Variants in SULF1 observed in about 807,000 individuals in gnomAD.
SULF1 encodes the protein sulfatase 1.
Under a neutral mutation model 110.5 loss-of-function variants are expected in SULF1, and 46 were observed. The observed-to-expected ratio is 0.42, with a 90% CI of 0.33 to 0.53. The LOEUF is 0.53. SULF1 is among the 20% of genes least tolerant of loss of function. The pLI is 0.12. For synonymous variants in SULF1, 371 were observed against 387.1 expected, an observed-to-expected ratio of 0.96 and a Z score of 0.49; for missense variants, 941 against 1,094.2, an observed-to-expected ratio of 0.86 and a Z score of 1.98.
intron 19 of SULF1, chr8:69,637,840 A>C (rs941217224): frequency 6.6e-6 from 1 of 152,458 alleles, no homozygotes; most frequent in African/African-American, 2.4e-5. Context: ...AATTTGGAAC[A>C]TGTGCCCTTT....
In SULF1 at chr8:69,626,824, G is replaced by C. The variant is rs185429277; in HGVS notation, c.1851-386G>C. Among the ~76,000 whole-genome samples the C allele has an allele frequency of 2.4e-3, 372 of 152,358 alleles. 1 individual carries two copies. The highest frequency in any genetic ancestry group is 8.7e-3 in the East Asian group (45 of 5,182). Reference sequence around the variant, plus strand: ...CTCCAGCTGGCCCGCAAGCACCGCAGGCAGCCCCGGTTCCCATTCGCGCCT... The same window carrying C: ...CTCCAGCTGGCCCGCAAGCACCGCACGCAGCCCCGGTTCCCATTCGCGCCT... On this transcript the variant is annotated intron_variant, in intron 15 of 22. Transcript: ENST00000402687.
At position 69,624,093 on chromosome 8, in the gene SULF1, G is replaced by A; in HGVS notation, c.1746G>A (p.Lys582=). The A allele has an allele frequency of 6.2e-7, 1 of 1,614,130 alleles. No individual in the cohort carries two copies. The highest frequency in any genetic ancestry group is 1.1e-5 in the South Asian group (1 of 91,064). The change falls in exon 15 of 23, where the codon AAG becomes AAA. Residue 582 remains lysine, a synonymous_variant. Transcript: ENST00000402687. ...NIAKRHDEGH[K]GPRDLQASSG... ...CTAAGCGTCATGATGAAGGCCACAA[G>A]GGGCCAAGAGATCTCCAGGCTTCCA...
intron 3 of SULF1, among the ~76,000 whole-genome samples, chr8:69,512,787 C>G (rs1406999111): frequency 6.6e-6 from 1 of 152,136 alleles, no homozygotes; most frequent in Non-Finnish European, 1.5e-5. Context: ...ACACAACACC[C>G]CAGACTGCTC....
chr8:69,658,839 T>A lies in SULF1; in HGVS notation c.*304T>A. 1 of 570,608 alleles carries A rather than the reference T, an allele frequency of 1.8e-6. No homozygotes were observed. The highest frequency in any genetic ancestry group is 3.3e-6 in the Non-Finnish European group (1 of 300,856). The allele number at this position is 570,608 out of a possible 1,614,324, so 35.3% of individuals were successfully genotyped here. On this transcript the variant is annotated 3_prime_UTR_variant, in exon 23 of 23. Transcript: ENST00000402687. The stretch of plus-strand genomic sequence containing the variant: ...CAAGGCATAAGGTTGGGAAAACACC[T>A]CATTTGACCTTGCCAGCTGACCTTC...
chr8:69,545,821 G>A (rs770450339), intron 3 of SULF1, among the ~76,000 whole-genome samples: 5 of 151,988 alleles, frequency 3.3e-5, no homozygotes, highest in East Asian at 1.9e-4. Context: ...CGCAGTCCAC[G>A]CCCAGCTGAT....
intron 21 of SULF1, 62 bp from the exon 22 acceptor site, chr8:69,640,746 T>C (rs1448101116): frequency 2.1e-6 from 3 of 1,422,700 alleles, no homozygotes; most frequent in East Asian, 2.3e-5. Flanking sequence ...AAAAACTATA[T>C]AGTGAATGGT....
chr8:69,635,559 A>G (rs1810925569), intron 19 of SULF1, among the ~76,000 whole-genome samples: 1 of 152,268 alleles, frequency 6.6e-6, no homozygotes, highest in Non-Finnish European at 1.5e-5. Context: ...TACATAGGAT[A>G]GCAGAGTCTA....
chr8:69,625,533 G>C (rs1809935951), intron 15 of SULF1, among the ~76,000 whole-genome samples: 1 of 152,314 alleles, frequency 6.6e-6, no homozygotes, highest in African/African-American at 2.4e-5. Context: ...TCTTCCTTCT[G>C]GTGGGTTCGT....
intron 7 of SULF1, 94 bp from the exon 8 acceptor site, chr8:69,588,878 C>G: frequency 7.9e-7 from 1 of 1,269,848 alleles, no homozygotes; most frequent in Non-Finnish European, 1.1e-6. Flanking sequence ...CCACTTCGTG[C>G]AGTGAATTGC....
At chr8:69,490,631 T>C (rs1260321061), upstream of SULF1, among the ~76,000 whole-genome samples, 1 of 152,174 alleles carries the variant, frequency 6.6e-6, no homozygotes, top group African/African-American at 2.4e-5. Context: ...CTAAAGCTTG[T>C]TGGAACCCAG....
intron 13 of SULF1, among the ~76,000 whole-genome samples, chr8:69,613,187 G>T (rs901244456): frequency 7.9e-5 from 12 of 151,766 alleles, no homozygotes; most frequent in African/African-American, 2.9e-4. Flanking sequence ...TTATTTCTGG[G>T]TTCTCTATTC....
intron 1 of SULF1, among the ~76,000 whole-genome samples, chr8:69,487,342 G>A (rs1809752387): frequency 6.6e-6 from 1 of 152,138 alleles, no homozygotes; most frequent in African/African-American, 2.4e-5. Flanking sequence ...TAGCAATCTT[G>A]CTGTGTCAGC....
intron 13 of SULF1, among the ~76,000 whole-genome samples, chr8:69,620,256 T>A (rs1809498896): frequency 6.6e-6 from 1 of 152,266 alleles, no homozygotes; most frequent in African/African-American, 2.4e-5. Context: ...TCTCCTCATC[T>A]CCTTGTCTGC....
At chr8:69,499,808 G>A (rs1421880085) in intron 2 of SULF1, among the ~76,000 whole-genome samples, 1 of 152,060 alleles carries the variant, frequency 6.6e-6, no homozygotes, top group African/African-American at 2.4e-5. Context: ...GGAGAGCAGT[G>A]GTGTGATCAT....
intron 2 of SULF1, among the ~76,000 whole-genome samples, chr8:69,500,800 C>A (rs186977533): frequency 1.3e-5 from 2 of 152,016 alleles, no homozygotes; most frequent in East Asian, 3.9e-4. Flanking sequence ...AAACTAGCGG[C>A]GGCGGAGTTT....
intron 3 of SULF1, among the ~76,000 whole-genome samples, chr8:69,557,194 G>A (rs769331555): frequency 2.6e-5 from 4 of 152,078 alleles, no homozygotes; most frequent in Admixed American, 6.5e-5. Flanking sequence ...TTGTCTCTTC[G>A]TTCTCATTCT....
At chr8:69,545,085 C>CT (rs56914726) in intron 3 of SULF1, among the ~76,000 whole-genome samples, 9,831 of 134,822 alleles carry the variant, frequency 0.073, 621 homozygotes, top group African/African-American at 0.17. Flanking sequence ...TAAAGGAATT[C>CT]TTTTTTTTTT....
intron 3 of SULF1, among the ~76,000 whole-genome samples, chr8:69,544,327 G>T (rs1672662475): frequency 6.6e-6 from 1 of 151,728 alleles, no homozygotes; most frequent in African/African-American, 2.4e-5. Context: ...GGAGTACAGT[G>T]CCACGATCTC....
intron 1 of SULF1, among the ~76,000 whole-genome samples, chr8:69,485,866 C>T (rs1354821252): frequency 6.6e-6 from 1 of 152,148 alleles, no homozygotes; most frequent in Non-Finnish European, 1.5e-5. Context: ...TTTTCTGTGT[C>T]TGGAATCCAC....
Sources: allele counts gnomAD v4.1 joint callset (sites outside exome capture counted in the v4.1 genomes callset), GRCh38; gene constraint gnomAD v4.1.1; transcripts MANE v1.5; gene names NCBI Gene and HGNC (gene_info 2026-07-23, HGNC 2026-07-21).